Variants in RPTOR observed in about 807,000 individuals in gnomAD.
RPTOR encodes the protein regulatory-associated protein of mTOR.
Under a neutral mutation model 169.9 loss-of-function variants are expected in RPTOR, and 21 were observed. The ratio of observed to expected loss-of-function variants is 0.12; its 90% CI spans 0.09 to 0.18. RPTOR has a LOEUF of 0.18. Among genes scored for constraint, RPTOR ranks in the 10% least tolerant of loss-of-function variants. The pLI is 1.00. For synonymous variants in RPTOR, 732 were observed against 753.2 expected, an observed-to-expected ratio of 0.97 and a Z score of 0.46; for missense variants, 1,133 against 1,855.9, an observed-to-expected ratio of 0.61 and a Z score of 7.16.
At chr17:80,745,711 T>C (rs1423658282) in intron 5 of RPTOR, among the ~76,000 whole-genome samples, 1 of 152,220 alleles carries the variant, frequency 6.6e-6, no homozygotes, top group African/African-American at 2.4e-5. Flanking sequence ...TAAAAGTTAC[T>C]TTAAGGCAGA....
chr17:80,815,733 G>A (rs141167409), intron 7 of RPTOR, among the ~76,000 whole-genome samples: 89 of 152,378 alleles, frequency 5.8e-4, no homozygotes, highest in Admixed American at 1.8e-3. Context: ...TAAGGGATTC[G>A]TTGAGCACCA....
intron 1 of RPTOR, among the ~76,000 whole-genome samples, chr17:80,610,588 C>T (rs1286992580): frequency 6.6e-6 from 1 of 152,086 alleles, no homozygotes; most frequent in Non-Finnish European, 1.5e-5. Flanking sequence ...GCTGTACTCC[C>T]GGGTGCTTCT....
chr17:80,863,599 C>G (rs1053413239), intron 13 of RPTOR, among the ~76,000 whole-genome samples: 3 of 152,184 alleles, frequency 2.0e-5, no homozygotes, highest in Admixed American at 2.0e-4. Flanking sequence ...ATGGGATTAA[C>G]AACCAGTTAA....
At chr17:80,882,202 G>T (rs2068193200) in intron 14 of RPTOR, among the ~76,000 whole-genome samples, 2 of 152,204 alleles carry the variant, frequency 1.3e-5, no homozygotes, top group African/African-American at 4.8e-5. Context: ...CATGTAGCCA[G>T]CATGGTTCAG....
At chr17:80,799,424 A>G (rs2067133608) in intron 7 of RPTOR, among the ~76,000 whole-genome samples, 1 of 152,200 alleles carries the variant, frequency 6.6e-6, no homozygotes, top group Admixed American at 6.5e-5. Flanking sequence ...CTGGGGCTGG[A>G]CTTGATCTGC....
chr17:80,734,904 T>C (rs1252659831), intron 5 of RPTOR, among the ~76,000 whole-genome samples: 1 of 152,156 alleles, frequency 6.6e-6, no homozygotes, highest in Non-Finnish European at 1.5e-5. Flanking sequence ...AGCATTCACA[T>C]GGTAGTAGAT....
chr17:80,609,187 C>G lies in RPTOR; in HGVS notation c.163-16504C>G, dbSNP rs575403696. ...GCGGGGAGCACATGCGGCGTGCAGA[C>G]CTTTCCTTAGGTTTGTGCTGGGTGC... On this transcript the variant is annotated intron_variant, in intron 1 of 33. Coordinates refer to ENST00000306801, the MANE Select transcript of RPTOR (RefSeq NM_020761.3). The surrounding 1 kb of genome is among the most constrained non-coding windows in gnomAD (Gnocchi z 4.8). Among the ~76,000 whole-genome samples the G allele has an allele frequency of 1.3e-5, 2 of 152,284 alleles. No homozygotes were observed. The highest frequency in any genetic ancestry group is 1.3e-4 in the Admixed American group (2 of 15,306).
chr17:80,710,872 A>C (rs113429113), intron 4 of RPTOR, among the ~76,000 whole-genome samples: 1 of 152,216 alleles, frequency 6.6e-6, no homozygotes, highest in African/African-American at 2.4e-5. Flanking sequence ...GGCCTTAGAA[A>C]ATAAGCTGAG....
intron 11 of RPTOR, among the ~76,000 whole-genome samples, chr17:80,847,051 A>G (rs372650064): frequency 3.2e-4 from 48 of 152,268 alleles, no homozygotes; most frequent in African/African-American, 1.1e-3. Flanking sequence ...CTGAGCGGAT[A>G]CTGACCGGCG....
intron 2 of RPTOR, among the ~76,000 whole-genome samples, chr17:80,641,240 A>G (rs956327542): frequency 6.6e-6 from 1 of 152,226 alleles, no homozygotes; most frequent in Non-Finnish European, 1.5e-5. Context: ...CAGATTACGG[A>G]TTATAACAAA....
In RPTOR at chr17:80,726,007, TGGG is replaced by T. The variant is rs1488316545; in HGVS notation, c.508-4552_508-4550del. ...TGTCACATCTAGGTGTGGGGGTGGC[TGGG>T]TGGTGCTGCGGAAGATTGTGTGGTG... On this transcript the variant is annotated intron_variant, in intron 4 of 33. Coordinates refer to ENST00000306801, the MANE Select transcript of RPTOR (RefSeq NM_020761.3). The surrounding 1 kb of genome is among the most constrained non-coding windows in gnomAD (Gnocchi z 4.5). Among the ~76,000 whole-genome samples, 10 of 151,868 alleles carry T rather than the reference TGGG, an allele frequency of 6.6e-5. No individual in the cohort carries two copies. The highest frequency in any genetic ancestry group is 2.0e-4 in the Admixed American group (3 of 15,272).
intron 3 of RPTOR, among the ~76,000 whole-genome samples, chr17:80,672,017 A>G (rs1162120297): frequency 2.6e-5 from 4 of 152,196 alleles, no homozygotes; most frequent in East Asian, 3.8e-4. Flanking sequence ...TTAAAATACA[A>G]TGGTTCGTAG....
At chr17:80,597,198 G>A (rs2065150621) in intron 1 of RPTOR, among the ~76,000 whole-genome samples, 1 of 152,230 alleles carries the variant, frequency 6.6e-6, no homozygotes, top group Non-Finnish European at 1.5e-5. Context: ...GAGAGGTGCA[G>A]AATGGTTGGG....
intron 24 of RPTOR, among the ~76,000 whole-genome samples, chr17:80,929,696 T>C (rs547366056): frequency 6.6e-6 from 1 of 152,288 alleles, no homozygotes; most frequent in East Asian, 1.9e-4. Context: ...GGGGTTTCAG[T>C]GCACCATTAG....
chr17:80,632,914 C>T (rs1397914247), intron 2 of RPTOR, among the ~76,000 whole-genome samples: 1 of 152,162 alleles, frequency 6.6e-6, no homozygotes, highest in African/African-American at 2.4e-5. Context: ...AAGCCATCCT[C>T]CTCCCTCAGC....
chr17:80,841,647 G>A (rs575816043), intron 10 of RPTOR, among the ~76,000 whole-genome samples: 14 of 124,174 alleles, frequency 1.1e-4, no homozygotes, highest in African/African-American at 4.3e-4. Flanking sequence ...CTCACCACAC[G>A]GCAGCTCACT....
chr17:80,602,759 C>G, intron 1 of RPTOR: 1 of 740,470 alleles, frequency 1.4e-6, no homozygotes, highest in Non-Finnish European at 2.5e-6. Flanking sequence ...GAGTTGCCAT[C>G]TCCTTCATGT....
Position 80,825,182 on chromosome 17 carries a change from C to T in RPTOR, c.1136+1959C>T, listed in dbSNP as rs570632163. ...ATGGGGCAGCCACATCCCACCTCTC[C>T]ATCTAGAGGCCGCGTGGCGAGGCCA... On this transcript the variant is annotated intron_variant, in intron 9 of 33. Coordinates refer to ENST00000306801, the MANE Select transcript of RPTOR (RefSeq NM_020761.3). 1.2e-4 allele frequency among the ~76,000 whole-genome samples: 17 copies of T among 147,628 alleles called. No homozygotes were observed. In the East Asian group the frequency reaches 1.2e-3, roughly 11 times the overall value.
chr17:80,731,028 G>A (rs1424370724), intron 5 of RPTOR, among the ~76,000 whole-genome samples: 3 of 151,994 alleles, frequency 2.0e-5, no homozygotes, highest in South Asian at 2.1e-4. Context: ...TGCACGCCAC[G>A]CCACCATGCC....
Sources: gnomAD v4.1 joint callset for allele counts (sites outside exome capture counted in the v4.1 genomes callset) on GRCh38, gnomAD v4.1.1 for gene constraint, Gnocchi (gnomAD v3.1) non-coding constraint, MANE v1.5 for transcripts, NCBI Gene and HGNC (gene_info 2026-07-23, HGNC 2026-07-21) for gene names.